HIBADH: variants seen among roughly 807,000 people sequenced by gnomAD.
HIBADH encodes the protein 3-hydroxyisobutyrate dehydrogenase.
In HIBADH, 25 loss-of-function variants were observed where a neutral mutation model predicts 36.1. The ratio of observed to expected loss-of-function variants is 0.69; its 90% confidence interval spans 0.50 to 0.97. The LOEUF is 0.97. Ranked by LOEUF, HIBADH falls within the 50% of genes least tolerant of loss-of-function variation. HIBADH has a pLI of 0.00. For missense variants in HIBADH, 421 were observed against 418.0 expected (o/e 1.01, Z -0.06); for synonymous variants, 160 against 149.5 (o/e 1.07, Z -0.51).
At chr7:27,599,818 G>A (rs537289009) in intron 4 of HIBADH, among the ~76,000 whole-genome samples, 119 of 150,320 alleles carry the variant, frequency 7.9e-4, no homozygotes, top group African/African-American at 2.7e-3. Context: ...AAAAAGGTTT[G>A]CATGGAAAAT....
chr7:27,616,176 G>C (rs1376021612), intron 4 of HIBADH, among the ~76,000 whole-genome samples: 1 of 152,108 alleles, frequency 6.6e-6, no homozygotes, highest in African/African-American at 2.4e-5. Flanking sequence ...AGAAAGAAGG[G>C]GAAGGGGCCA....
intron 4 of HIBADH, among the ~76,000 whole-genome samples, chr7:27,613,360 G>A (rs1049454304): frequency 2.1e-5 from 2 of 93,152 alleles, no homozygotes; most frequent in Non-Finnish European, 4.0e-5. Flanking sequence ...ATGGTAGAAA[G>A]AGCCTCGTTT....
chr7:27,531,905 A>G (rs1784009292), intron 6 of HIBADH, among the ~76,000 whole-genome samples: 1 of 61,290 alleles, frequency 1.6e-5, no homozygotes, highest in African/African-American at 1.2e-4. Context: ...TTATTATAAA[A>G]GAAGACTTTT....
At chr7:27,605,507 C>A (rs1583592961) in intron 4 of HIBADH, among the ~76,000 whole-genome samples, 1 of 105,926 alleles carries the variant, frequency 9.4e-6, no homozygotes, top group Non-Finnish European at 1.8e-5. Flanking sequence ...GGAATCTTGC[C>A]ACATGGTGGG....
intron 1 of HIBADH, among the ~76,000 whole-genome samples, chr7:27,650,986 TCA>T (rs1006883547): frequency 2.8e-4 from 43 of 152,264 alleles, no homozygotes; most frequent in African/African-American, 1.0e-3. Flanking sequence ...CTTTAAAAGC[TCA>T]CAGTCTAGTG....
chr7:27,580,092 C>T (rs964282631), intron 4 of HIBADH, among the ~76,000 whole-genome samples: 5 of 152,220 alleles, frequency 3.3e-5, no homozygotes, highest in East Asian at 1.9e-4. Flanking sequence ...CTGTTTTCTA[C>T]GATTTTTCAT....
At chr7:27,580,350 T>C (rs1020908720) in intron 4 of HIBADH, among the ~76,000 whole-genome samples, 1 of 152,132 alleles carries the variant, frequency 6.6e-6, no homozygotes, top group South Asian at 2.1e-4. Context: ...AGAAATTCAT[T>C]TGAAAAGCAA....
intron 4 of HIBADH, among the ~76,000 whole-genome samples, chr7:27,608,897 T>A (rs1785277380): frequency 6.6e-6 from 1 of 152,212 alleles, no homozygotes. Flanking sequence ...GCCTTATCCA[T>A]ATACTTTCCA....
At chr7:27,597,801 G>A (rs1562636950) in intron 4 of HIBADH, among the ~76,000 whole-genome samples, 1 of 152,024 alleles carries the variant, frequency 6.6e-6, no homozygotes, top group East Asian at 1.9e-4. Flanking sequence ...ATTTGAAGAG[G>A]GCGTTTCAGA....
At chr7:27,632,467 C>T in intron 2 of HIBADH, 22 bp from the exon 3 acceptor site, 1 of 1,510,090 alleles carries the variant, frequency 6.6e-7, no homozygotes, top group Non-Finnish European at 9.2e-7. Context: ...ATTGCAAAGG[C>T]ACATTATTTA....
intron 4 of HIBADH, among the ~76,000 whole-genome samples, chr7:27,563,413 C>G (rs549510344): frequency 6.6e-6 from 1 of 152,004 alleles, no homozygotes; most frequent in Non-Finnish European, 1.5e-5. Context: ...GAAGGTTTAC[C>G]GAGAGGTAGG....
At chr7:27,531,573 GA>G (rs1427685919) in intron 6 of HIBADH, among the ~76,000 whole-genome samples, 5 of 152,092 alleles carry the variant, frequency 3.3e-5, no homozygotes. Context: ...TGCATTTGGA[GA>G]AAACCTTCTA....
chr7:27,598,893 A>G (rs1278326654), intron 4 of HIBADH, among the ~76,000 whole-genome samples: 2 of 152,046 alleles, frequency 1.3e-5, no homozygotes, highest in Non-Finnish European at 2.9e-5. Flanking sequence ...ACCTACAAAT[A>G]CCAACAAAGA....
intron 7 of HIBADH, among the ~76,000 whole-genome samples, chr7:27,526,766 TCATC>T (rs570890217): frequency 2.1e-3 from 323 of 152,328 alleles, no homozygotes; most frequent in African/African-American, 7.5e-3. Context: ...AAATATTACT[TCATC>T]CAATAAATAT....
intron 2 of HIBADH, among the ~76,000 whole-genome samples, chr7:27,638,321 A>AAAAAAAAAAAC (rs1785888398): frequency 2.0e-5 from 3 of 148,556 alleles, no homozygotes; most frequent in Non-Finnish European, 4.5e-5. Context: ...AAAAAAAAAA[A>AAAAAAAAAAAC]AAAAAAAAAC....
chr7:27,613,656 G>GT (rs769054200), intron 4 of HIBADH, among the ~76,000 whole-genome samples: 10 of 60,202 alleles, frequency 1.7e-4, no homozygotes, highest in African/African-American at 8.9e-4. Context: ...GTTGTTGTGG[G>GT]TTTTTTTTGT....
At chr7:27,638,266 A>G (rs1785882643) in intron 2 of HIBADH, among the ~76,000 whole-genome samples, 1 of 148,152 alleles carries the variant, frequency 6.7e-6, no homozygotes, top group East Asian at 2.0e-4. Flanking sequence ...AAAGTACAGA[A>G]ACAATGCTGC....
At position 27,662,876 on chromosome 7, in the gene HIBADH, T is replaced by C. The variant is rs1291010563; in HGVS notation, c.-88A>G. 9.0e-7 allele frequency: 1 copy of C among 1,112,276 alleles called. No individual in the cohort carries two copies. Among genetic ancestry groups the C allele is most frequent in the Non-Finnish European group, 1.2e-6 (1 of 838,726 alleles). 68.9% of individuals were successfully genotyped at this position (1,112,276 alleles called of 1,614,324 possible). On this transcript the variant is annotated 5_prime_UTR_variant, in exon 1 of 8. Transcript: ENST00000265395. ...AGCGTGTGCAGCGGGACTGGCTGGC[T>C]CGCCCACGGAGAAGGGCGCGCGCGC...
At chr7:27,582,701 A>G (rs1252596120) in intron 4 of HIBADH, among the ~76,000 whole-genome samples, 1 of 152,060 alleles carries the variant, frequency 6.6e-6, no homozygotes, top group Non-Finnish European at 1.5e-5. Flanking sequence ...CCTCAAAATC[A>G]ATCTGGTTTC....
Sources: gnomAD v4.1 joint callset for allele counts (sites outside exome capture counted in the v4.1 genomes callset) on GRCh38, gnomAD v4.1.1 for gene constraint, MANE v1.5 for transcripts, NCBI Gene and HGNC (gene_info 2026-07-23, HGNC 2026-07-21) for gene names.